Variants in CSMD1 observed in about 807,000 individuals in gnomAD.
The protein encoded by CSMD1 is CUB and sushi domain-containing protein 1.
Under a neutral mutation model 417.5 loss-of-function variants are expected in CSMD1, and 213 were observed. The observed-to-expected ratio is 0.51, with a 90% confidence interval of 0.46 to 0.57. The LOEUF (loss-of-function observed/expected upper bound fraction) is 0.57. Ranked by LOEUF, CSMD1 falls within the 20% of genes least tolerant of loss-of-function variation. The probability of loss-of-function intolerance (pLI) is 0.00; values close to 1 mark genes in which losing one functional copy is unlikely to be tolerated. For missense variants in CSMD1, 6,923 were observed against 4,529.7 expected, an observed-to-expected ratio of 1.53 and a Z score of -15.17; for synonymous variants, 2,862 against 1,736.8, an observed-to-expected ratio of 1.65 and a Z score of -16.11.
At chr8:4,272,574 C>T (rs1050406873) in intron 3 of CSMD1, among the ~76,000 whole-genome samples, 1 of 152,130 alleles carries the variant, frequency 6.6e-6, no homozygotes, top group African/African-American at 2.4e-5. Flanking sequence ...TATTTACTTG[C>T]AGTATACCTT....
At chr8:4,215,245 C>G (rs1240196070) in intron 3 of CSMD1, among the ~76,000 whole-genome samples, 1 of 152,206 alleles carries the variant, frequency 6.6e-6, no homozygotes, top group African/African-American at 2.4e-5. Context: ...CAGAGATGTG[C>G]TTTTCTCCTG....
intron 3 of CSMD1, among the ~76,000 whole-genome samples, chr8:4,359,796 T>C (rs1373615742): frequency 1.3e-5 from 2 of 152,154 alleles, no homozygotes; most frequent in African/African-American, 4.8e-5. Flanking sequence ...GCACAATGAG[T>C]ACAGGCTAGT....
chr8:4,903,792 G>A (rs993214064), intron 1 of CSMD1, among the ~76,000 whole-genome samples: 1 of 152,150 alleles, frequency 6.6e-6, no homozygotes, highest in Admixed American at 6.5e-5. Context: ...TTAGCAGCAG[G>A]ACCTACTGTT....
Position 4,635,205 on chromosome 8 carries a change from G to A in CSMD1, c.302+2137C>T, listed in dbSNP as rs553546233. Among the ~76,000 whole-genome samples, 339 of 151,994 alleles carry A rather than the reference G, an allele frequency of 2.2e-3. 1 individual carries two copies. Among genetic ancestry groups the A allele is most frequent in the African/African-American group, 7.9e-3 (329 of 41,466 alleles). On this transcript the variant is annotated intron_variant, in intron 2 of 69. Coordinates refer to ENST00000635120, the MANE Select transcript of CSMD1 (RefSeq NM_033225.6). ...ACTAAACATAACCCAGCAAGTAAAA[G>A]AAAAAAACATTCTGTTGTACATACA...
chr8:4,034,192 A>G lies in CSMD1; in HGVS notation c.416-2093T>C, dbSNP rs367898505. Among the ~76,000 whole-genome samples, 13 of 152,322 alleles carry G rather than the reference A, an allele frequency of 8.5e-5. No homozygotes were observed. In the East Asian group the frequency reaches 1.4e-3, roughly 16 times the overall value. On this transcript the variant is annotated intron_variant, in intron 3 of 69. Transcript: ENST00000635120. ...TTAGAATACGGAATAGGAATCATCT[A>G]TTTCTAAAAGTATTTTTATTTATCA...
intron 3 of CSMD1, among the ~76,000 whole-genome samples, chr8:4,278,256 T>C (rs1029304713): frequency 1.3e-5 from 2 of 152,150 alleles, no homozygotes; most frequent in Non-Finnish European, 2.9e-5. Flanking sequence ...TAAAATTCAG[T>C]TTAATTTTCA....
At chr8:3,294,131 C>T (rs535841156) in intron 25 of CSMD1, among the ~76,000 whole-genome samples, 48 of 152,332 alleles carry the variant, frequency 3.2e-4, no homozygotes, top group African/African-American at 1.1e-3. Context: ...GCAGAGACTG[C>T]AGAACAGCAG....
At chr8:3,156,986 CAA>C (rs869173951) in intron 39 of CSMD1, among the ~76,000 whole-genome samples, 994 of 64,458 alleles carry the variant, frequency 0.015, 13 homozygotes, top group African/African-American at 0.049. Flanking sequence ...GTTGTTTAGA[CAA>C]AAAAAAAAAA....
rs566986150 is a variant in CSMD1, at chr8:3,983,772, C to G, written c.818+14131G>C. Among the ~76,000 whole-genome samples, 274 of 151,700 alleles carry G rather than the reference C, an allele frequency of 1.8e-3. 1 individual carries two copies. Among genetic ancestry groups the G allele is most frequent in the African/African-American group, 6.4e-3 (265 of 41,392 alleles). On this transcript the variant is annotated intron_variant, in intron 5 of 69. Coordinates refer to ENST00000635120, the MANE Select transcript of CSMD1 (RefSeq NM_033225.6). ...GCATCTGATGGGGCTGTCAACTGCA[C>G]CTCTAGAGCACGTCGCAGTTCTGAT...
Position 4,025,452 on chromosome 8 carries a change from T to A in CSMD1, c.610+6453A>T, listed in dbSNP as rs139164953. Among the ~76,000 whole-genome samples, 414 of 152,358 alleles carry A rather than the reference T, an allele frequency of 2.7e-3. 1 individual carries two copies. The highest frequency in any genetic ancestry group is 9.7e-3 in the African/African-American group (402 of 41,588). ...AATAATTTATGAATCAATAATAAAG[T>A]ATGGGAAACATAAAGCAAATTAAGA... On this transcript the variant is annotated intron_variant, in intron 4 of 69. Transcript: ENST00000635120.
At chr8:4,724,510 T>A (rs1585001859) in intron 1 of CSMD1, among the ~76,000 whole-genome samples, 1 of 144,904 alleles carries the variant, frequency 6.9e-6, no homozygotes, top group Non-Finnish European at 1.5e-5. Flanking sequence ...TAGTAGCTCT[T>A]TATATATATA....
At chr8:4,370,738 G>C (rs1022853362) in intron 3 of CSMD1, among the ~76,000 whole-genome samples, 1 of 152,216 alleles carries the variant, frequency 6.6e-6, no homozygotes, top group Non-Finnish European at 1.5e-5. Flanking sequence ...AATGTCACCA[G>C]TTGTGTTTCG....
At chr8:4,005,205 T>G (rs992947417) in intron 4 of CSMD1, among the ~76,000 whole-genome samples, 2 of 152,222 alleles carry the variant, frequency 1.3e-5, no homozygotes, top group African/African-American at 4.8e-5. Flanking sequence ...GCACAGGTGG[T>G]GGGTGCACCA....
At chr8:4,300,503 T>G (rs995546247) in intron 3 of CSMD1, among the ~76,000 whole-genome samples, 2 of 152,238 alleles carry the variant, frequency 1.3e-5, no homozygotes, top group Non-Finnish European at 2.9e-5. Flanking sequence ...CGTTATTAAC[T>G]GAAGGAAATG....
intron 1 of CSMD1, among the ~76,000 whole-genome samples, chr8:4,808,195 T>C (rs1446975171): frequency 6.6e-6 from 1 of 152,182 alleles, no homozygotes; most frequent in Non-Finnish European, 1.5e-5. Context: ...ATTGGTTTCA[T>C]TGCCAGCACC....
intron 1 of CSMD1, among the ~76,000 whole-genome samples, chr8:4,753,403 CCACACACACACACACACACACA>C (rs71209121): frequency 3.6e-5 from 5 of 137,808 alleles, no homozygotes; most frequent in Non-Finnish European, 6.2e-5. Context: ...CCACCATAAA[CCACACACACACACACACACACA>C]CACACACACA....
At chr8:4,390,406 A>G (rs1337472768) in intron 3 of CSMD1, among the ~76,000 whole-genome samples, 1 of 152,212 alleles carries the variant, frequency 6.6e-6, no homozygotes, top group Non-Finnish European at 1.5e-5. Flanking sequence ...CAGGAGAAAT[A>G]AAACATCGTA....
At chr8:3,690,162 C>T (rs531446861) in intron 7 of CSMD1, among the ~76,000 whole-genome samples, 11 of 152,250 alleles carry the variant, frequency 7.2e-5, no homozygotes, top group Middle Eastern at 3.4e-3. Context: ...AGTTTGAGAC[C>T]AGCCTGGGCA....
intron 4 of CSMD1, among the ~76,000 whole-genome samples, chr8:4,020,770 G>A (rs1796749738): frequency 6.6e-6 from 1 of 152,156 alleles, no homozygotes; most frequent in South Asian, 2.1e-4. Flanking sequence ...TTCCAACCTT[G>A]AGATAAGGTC....
Sources: gnomAD v4.1 joint callset for allele counts (sites outside exome capture counted in the v4.1 genomes callset) on GRCh38, gnomAD v4.1.1 for gene constraint, MANE v1.5 for transcripts, NCBI Gene and HGNC (gene_info 2026-07-23, HGNC 2026-07-21) for gene names.